ABR: variants seen among roughly 807,000 people sequenced by gnomAD.
The protein encoded by ABR is ABR activator of RhoGEF and GTPase.
ABR carries 35 observed loss-of-function variants against 107.2 expected under a neutral mutation model. That is an observed-to-expected ratio of 0.33 (90% CI 0.25 to 0.43). ABR has a LOEUF of 0.43. Ranked by LOEUF, ABR falls within the 20% of genes least tolerant of loss-of-function variation. The pLI, the probability that ABR is intolerant of heterozygous loss-of-function variation, is 1.00. For synonymous variants in ABR, 498 were observed against 462.0 expected (o/e 1.08, Z -1.00); for missense variants, 815 against 1,115.2 (o/e 0.73, Z 3.83).
At position 1,050,496 on chromosome 17, in the gene ABR, G is replaced by T; in HGVS notation, c.1659+41C>A. On this transcript the variant is annotated intron_variant, in intron 15 of 22. Coordinates refer to ENST00000302538, the MANE Select transcript of ABR (RefSeq NM_021962.5). The surrounding 1 kb of genome is among the most constrained non-coding windows in gnomAD (Gnocchi z 4.6). Reference sequence around the variant, plus strand: ...CCAGCAGACAAGCCACGAGCACGGGGTGGTGGGGTCCCCACAGAGATGCCA... The same window carrying T: ...CCAGCAGACAAGCCACGAGCACGGGTTGGTGGGGTCCCCACAGAGATGCCA... 6.4e-7 allele frequency: 1 copy of T among 1,566,050 alleles called. No homozygotes were observed. The highest frequency in any genetic ancestry group is 8.8e-7 in the Non-Finnish European group (1 of 1,136,816).
chr17:1,066,961 T>A, intron 10 of ABR, 116 bp downstream of exon 10: 1 of 1,096,192 alleles, frequency 9.1e-7, no homozygotes, highest in Non-Finnish European at 1.3e-6. Flanking sequence ...TTTCCCTTAG[T>A]AACTACACAC....
chr17:1,121,061 C>T (rs1204114597), intron 2 of ABR, among the ~76,000 whole-genome samples: 1 of 152,244 alleles, frequency 6.6e-6, no homozygotes, highest in African/African-American at 2.4e-5. Flanking sequence ...CTGAATGGAG[C>T]CACCCGTGGT....
At chr17:1,036,586 G>T (rs2073194561) in intron 16 of ABR, among the ~76,000 whole-genome samples, 1 of 152,156 alleles carries the variant, frequency 6.6e-6, no homozygotes, top group Non-Finnish European at 1.5e-5. Flanking sequence ...GACAGGTGCA[G>T]GCTCCAGGAT....
chr17:1,180,094 T>C (rs1191445516), upstream of ABR, among the ~76,000 whole-genome samples: 1 of 147,036 alleles, frequency 6.8e-6, no homozygotes, highest in Non-Finnish European at 1.5e-5. Context: ...GGCTCGAGGC[T>C]CCGCCCTCCG....
rs1309564023 is a variant in ABR, at chr17:1,050,456, A to G, written c.1659+81T>C. Reference sequence around the variant, plus strand: ...GGTGCAGACATAGCTGGTCCAACCAATGGGCTGGCCGTCCCCAGCAGACAA... The same window carrying G: ...GGTGCAGACATAGCTGGTCCAACCAGTGGGCTGGCCGTCCCCAGCAGACAA... On this transcript the variant is annotated intron_variant, in intron 15 of 22. Transcript: ENST00000302538. This position sits in a 1 kb window ranked among gnomAD's most constrained non-coding sequence, Gnocchi z 4.6. 7.5e-7 allele frequency: 1 copy of G among 1,341,644 alleles called. No individual in the cohort carries two copies. Among genetic ancestry groups the G allele is most frequent in the Non-Finnish European group, 1.1e-6 (1 of 933,880 alleles). The allele number at this position is 1,341,644 out of a possible 1,614,324, so 83.1% of individuals were successfully genotyped here.
At chr17:1,185,304 C>G (rs543616728) in intron 1 of ABR, among the ~76,000 whole-genome samples, 1 of 152,142 alleles carries the variant, frequency 6.6e-6, no homozygotes, top group Admixed American at 6.6e-5. Flanking sequence ...TCAATGCCTC[C>G]GGCCAATCTC....
At chr17:1,021,741 T>C (rs1302212356) in intron 16 of ABR, among the ~76,000 whole-genome samples, 2 of 150,006 alleles carry the variant, frequency 1.3e-5, no homozygotes, top group East Asian at 2.0e-4. Flanking sequence ...GAGGCGGAGG[T>C]TGCAGTGAGC....
chr17:1,185,675 A>T (rs1239053965), intron 1 of ABR, among the ~76,000 whole-genome samples: 58 of 150,448 alleles, frequency 3.9e-4, no homozygotes, highest in African/African-American at 1.1e-3. Flanking sequence ...AAAAAAAAAA[A>T]AAAAAGAAGG....
intron 16 of ABR, among the ~76,000 whole-genome samples, chr17:1,042,751 G>A (rs1438345962): frequency 2.0e-5 from 3 of 151,682 alleles, no homozygotes; most frequent in Non-Finnish European, 4.4e-5. Context: ...CTACATTCAC[G>A]GACGGATGGA....
intron 16 of ABR, among the ~76,000 whole-genome samples, chr17:1,049,357 G>A (rs1320581609): frequency 6.6e-6 from 1 of 152,024 alleles, no homozygotes; most frequent in East Asian, 1.9e-4. Context: ...TAGTAGAGAT[G>A]GGGTTTCGCC....
Position 1,078,550 on chromosome 17 carries a change from CCCA to C in ABR, c.700+777_700+779del, listed in dbSNP as rs1435164813. On this transcript the variant is annotated intron_variant, in intron 6 of 22. Transcript: ENST00000302538. This position sits in a 1 kb window ranked among gnomAD's most constrained non-coding sequence, Gnocchi z 7.5. ...CCTCCAGGAAGTTCTCTCACACTAG[CCCA>C]CCAATTCCCCACCGATCCTCGGGGC... is the stretch of plus-strand genomic sequence containing the variant. 1.3e-5 allele frequency among the ~76,000 whole-genome samples: 2 copies of C among 152,136 alleles called. No homozygotes were observed. Among genetic ancestry groups the C allele is most frequent in the African/African-American group, 4.8e-5 (2 of 41,430 alleles).
intron 1 of ABR, among the ~76,000 whole-genome samples, chr17:1,226,105 G>A (rs1257936594): frequency 1.3e-5 from 2 of 152,136 alleles, no homozygotes; most frequent in African/African-American, 4.8e-5. Context: ...TTGACTGGAG[G>A]GAGACAGTGA....
At chr17:1,031,544 CCCCGCAGCGCCCCCG>C in intron 16 of ABR, 3 of 474,584 alleles carry the variant, frequency 6.3e-6, no homozygotes, top group South Asian at 9.0e-5. Context: ...GCCCCCCGAG[CCCCGCAGCGCCCCCG>C]AGCCCCCACC....
intron 1 of ABR, among the ~76,000 whole-genome samples, chr17:1,198,909 A>G (rs1220210168): frequency 2.7e-5 from 4 of 148,430 alleles, no homozygotes; most frequent in Non-Finnish European, 5.9e-5. Context: ...CTGGGATTAC[A>G]GGCGTGAGCT....
intron 1 of ABR, among the ~76,000 whole-genome samples, chr17:1,185,670 A>T (rs1423446389): frequency 3.3e-4 from 49 of 149,700 alleles, no homozygotes; most frequent in African/African-American, 9.8e-4. Flanking sequence ...AAAAAAAAAA[A>T]AAAAAAAAAA....
At chr17:1,162,936 G>C (rs945131607) in intron 1 of ABR, among the ~76,000 whole-genome samples, 1 of 152,082 alleles carries the variant, frequency 6.6e-6, no homozygotes, top group African/African-American at 2.4e-5. Flanking sequence ...GCTGGGCTTG[G>C]TGCTGGGTGC....
intron 10 of ABR, among the ~76,000 whole-genome samples, chr17:1,063,002 G>A (rs2034220782): frequency 7.3e-6 from 1 of 137,334 alleles, no homozygotes; most frequent in Non-Finnish European, 1.6e-5. Flanking sequence ...TCTAGACACT[G>A]TTGTTATGTG....
In ABR at chr17:1,229,591, C is replaced by A. The variant is rs1028408542; in HGVS notation, c.40G>T (p.Glu14Ter). 2.0e-5 allele frequency among the ~76,000 whole-genome samples: 3 copies of A among 151,878 alleles called. No individual in the cohort carries two copies. Among genetic ancestry groups the A allele is most frequent in the African/African-American group, 7.2e-5 (3 of 41,382 alleles). ...ACCGGCGCCTCCGCCCCGGGGAACTCGGCCCGCCAGCGCCGCTCGAACGCG... is the reference window on the plus strand; with the variant it reads ...ACCGGCGCCTCCGCCCCGGGGAACTAGGCCCGCCAGCGCCGCTCGAACGCG... The change falls in exon 1 of 23, where the codon GAG (glutamate) becomes TAG (stop). Residue 14 changes from glutamate (E) to a stop codon, truncating the protein, a stop_gained. Transcript: ENST00000574139. LOFTEE classifies it high-confidence loss of function.
intron 1 of ABR, among the ~76,000 whole-genome samples, chr17:1,222,081 T>C (rs2043130340): frequency 6.6e-6 from 1 of 151,108 alleles, no homozygotes; most frequent in South Asian, 2.1e-4. Context: ...CATCTTTTTT[T>C]CTGAGACGGA....
Sources: gnomAD v4.1 joint callset for allele counts (sites outside exome capture counted in the v4.1 genomes callset) on GRCh38, gnomAD v4.1.1 for gene constraint, Gnocchi (gnomAD v3.1) non-coding constraint, MANE v1.5 for transcripts, NCBI Gene and HGNC (gene_info 2026-07-23, HGNC 2026-07-21) for gene names.